Variants in ATXN1 observed in about 807,000 individuals in gnomAD.
ATXN1 encodes the protein ataxin-1.
Under a neutral mutation model 56.4 loss-of-function variants are expected in ATXN1, and 8 were observed. The ratio of observed to expected loss-of-function variants is 0.14; its 90% confidence interval spans 0.08 to 0.26. The LOEUF (loss-of-function observed/expected upper bound fraction) is 0.26, where lower values mean the gene tolerates loss of function less well. Among genes scored for constraint, ATXN1 ranks in the 10% least tolerant of loss-of-function variants. The pLI is 1.00. For synonymous variants in ATXN1, 514 were observed against 494.6 expected (o/e 1.04, Z -0.52); for missense variants, 987 against 1,106.5 (o/e 0.89, Z 1.53).
At chr6:16,342,840 T>C (rs1301935806) in intron 6 of ATXN1, among the ~76,000 whole-genome samples, 3 of 152,274 alleles carry the variant, frequency 2.0e-5, no homozygotes, top group Admixed American at 6.5e-5. Context: ...GGAGAGAGCG[T>C]AGAACAGGCG....
chr6:16,424,171 G>A (rs1472561373), intron 6 of ATXN1, among the ~76,000 whole-genome samples: 1 of 152,148 alleles, frequency 6.6e-6, no homozygotes, highest in Non-Finnish European at 1.5e-5. Context: ...GGAGCGGCCT[G>A]GATCTGCCTT....
intron 7 of ATXN1, among the ~76,000 whole-genome samples, chr6:16,308,263 C>T (rs1223992946): frequency 1.3e-5 from 2 of 151,096 alleles, no homozygotes; most frequent in Non-Finnish European, 2.9e-5. Context: ...GAGGCGGAGG[C>T]TGCAGTGAAC....
At chr6:16,665,390 C>T (rs1033984137) in intron 2 of ATXN1, among the ~76,000 whole-genome samples, 8 of 152,148 alleles carry the variant, frequency 5.3e-5, no homozygotes, top group African/African-American at 1.9e-4. Context: ...AAAGTTGACA[C>T]ATTTCATTAC....
At chr6:16,756,012 A>G (rs913401788) in intron 1 of ATXN1, among the ~76,000 whole-genome samples, 1 of 152,168 alleles carries the variant, frequency 6.6e-6, no homozygotes, top group African/African-American at 2.4e-5. Flanking sequence ...TGTTCTCTCT[A>G]AACGTGTTTT....
intron 7 of ATXN1, among the ~76,000 whole-genome samples, chr6:16,315,806 G>A (rs551597688): frequency 6.6e-6 from 1 of 152,258 alleles, no homozygotes; most frequent in African/African-American, 2.4e-5. Flanking sequence ...GGGACCACAT[G>A]CATGCACCAC....
intron 6 of ATXN1, among the ~76,000 whole-genome samples, chr6:16,403,112 G>A (rs1046462740): frequency 1.2e-4 from 19 of 152,028 alleles, no homozygotes; most frequent in African/African-American, 1.9e-4. Flanking sequence ...AAATACATAC[G>A]TCACACATGC....
At chr6:16,464,878 T>C (rs1431534758) in intron 6 of ATXN1, among the ~76,000 whole-genome samples, 2 of 152,150 alleles carry the variant, frequency 1.3e-5, no homozygotes, top group Non-Finnish European at 2.9e-5. Context: ...AACTCTAACA[T>C]GAACTATAGA....
chr6:16,540,067 T>A (rs1283854741), intron 4 of ATXN1, among the ~76,000 whole-genome samples: 1 of 152,178 alleles, frequency 6.6e-6, no homozygotes, highest in East Asian at 1.9e-4. Flanking sequence ...GAACACGGGA[T>A]GCATCTTCTG....
chr6:16,596,494 AAC>A (rs1762817825), intron 3 of ATXN1, among the ~76,000 whole-genome samples: 2 of 152,232 alleles, frequency 1.3e-5, no homozygotes, highest in Admixed American at 1.3e-4. Context: ...ATCCCATTAA[AAC>A]ACAGCCATTC....
At chr6:16,439,653 T>G (rs1759473466) in intron 6 of ATXN1, among the ~76,000 whole-genome samples, 2 of 152,190 alleles carry the variant, frequency 1.3e-5, no homozygotes, top group African/African-American at 4.8e-5. Context: ...CACTTTGTAG[T>G]TTTCTTGTCC....
At chr6:16,476,119 C>A (rs144480603) in intron 6 of ATXN1, among the ~76,000 whole-genome samples, 31 of 152,206 alleles carry the variant, frequency 2.0e-4, no homozygotes, top group African/African-American at 7.2e-4. Flanking sequence ...GTGATCCACC[C>A]GCCTTGGCTT....
intron 3 of ATXN1, among the ~76,000 whole-genome samples, chr6:16,599,959 A>G (rs538495114): frequency 2.0e-5 from 3 of 152,218 alleles, no homozygotes; most frequent in Non-Finnish European, 4.4e-5. Context: ...CACTTTCAGG[A>G]AATTTCAAAA....
chr6:16,330,667 G>A (rs1760966779), intron 6 of ATXN1, among the ~76,000 whole-genome samples: 1 of 152,128 alleles, frequency 6.6e-6, no homozygotes, highest in Admixed American at 6.5e-5. Flanking sequence ...ACAGGCATGA[G>A]CCACTGCAGC....
intron 2 of ATXN1, among the ~76,000 whole-genome samples, chr6:16,749,605 C>T (rs1221459264): frequency 6.6e-6 from 1 of 152,132 alleles, no homozygotes; most frequent in Non-Finnish European, 1.5e-5. Context: ...ATGGCCCACG[C>T]ATACATCACC....
intron 6 of ATXN1, among the ~76,000 whole-genome samples, chr6:16,436,111 T>C (rs573639615): frequency 1.5e-4 from 23 of 152,226 alleles, no homozygotes; most frequent in Middle Eastern, 3.4e-3. Flanking sequence ...TTGGCCAGCC[T>C]GGACTCAAAC....
intron 6 of ATXN1, among the ~76,000 whole-genome samples, chr6:16,388,051 T>TG (rs1758276768): frequency 1.3e-5 from 2 of 152,334 alleles, no homozygotes; most frequent in Admixed American, 6.5e-5. Context: ...AGTCCATAGA[T>TG]GTGATCATTA....
At chr6:16,742,012 G>A (rs202214941) in intron 2 of ATXN1, among the ~76,000 whole-genome samples, 9 of 152,256 alleles carry the variant, frequency 5.9e-5, no homozygotes, top group Admixed American at 2.6e-4. Context: ...ATAAAACACC[G>A]AAATTTGGGC....
chr6:16,467,009 A>T (rs1056463327), intron 6 of ATXN1, among the ~76,000 whole-genome samples: 2 of 152,242 alleles, frequency 1.3e-5, no homozygotes, highest in Non-Finnish European at 2.9e-5. Flanking sequence ...GCAGCCTCGC[A>T]TAACATAAAT....
intron 2 of ATXN1, among the ~76,000 whole-genome samples, chr6:16,726,702 T>C (rs1376754485): frequency 6.6e-6 from 1 of 151,770 alleles, no homozygotes; most frequent in Non-Finnish European, 1.5e-5. Flanking sequence ...CCATCTCTAC[T>C]AAAAAGACAA....
Sources: allele counts gnomAD v4.1 joint callset (sites outside exome capture counted in the v4.1 genomes callset), GRCh38; gene constraint gnomAD v4.1.1; transcripts MANE v1.5; gene names NCBI Gene and HGNC (gene_info 2026-07-23, HGNC 2026-07-21).